Variants in MGST1 observed in about 807,000 individuals in gnomAD.
The protein encoded by MGST1 is microsomal glutathione S-transferase 1, also known as glutathione S-transferase 12.
Under a neutral mutation model 8.9 loss-of-function variants are expected in MGST1, and 5 were observed. The observed-to-expected ratio is 0.56, with a 90% CI of 0.29 to 1.19. The LOEUF (loss-of-function observed/expected upper bound fraction) is 1.19. MGST1 is among the 50% of genes most tolerant of loss of function. MGST1 has a pLI of 0.08. For synonymous variants in MGST1, 54 were observed against 67.8 expected, an observed-to-expected ratio of 0.80 and a Z score of 1.00; for missense variants, 182 against 187.4, an observed-to-expected ratio of 0.97 and a Z score of 0.17.
chr12:16,569,606 T>C (rs546011315), intron 4 of MGST1, among the ~76,000 whole-genome samples: 2 of 152,192 alleles, frequency 1.3e-5, no homozygotes, highest in Non-Finnish European at 2.9e-5. Context: ...TCCCTTAACA[T>C]TTGATGAGAA....
At chr12:16,439,600 C>T (rs1941021890), downstream of MGST1, among the ~76,000 whole-genome samples, 3 of 151,736 alleles carry the variant, frequency 2.0e-5, no homozygotes, top group South Asian at 4.1e-4. Context: ...ATAGTGGCTC[C>T]TTATGGTAAT....
intron 4 of MGST1, among the ~76,000 whole-genome samples, chr12:16,498,851 C>T (rs1941486888): frequency 6.6e-6 from 1 of 152,144 alleles, no homozygotes; most frequent in Admixed American, 6.6e-5. Flanking sequence ...GGGTGTTATA[C>T]TATTGACAAG....
intron 1 of MGST1, among the ~76,000 whole-genome samples, chr12:16,435,892 T>G (rs568658768): frequency 1.3e-5 from 2 of 152,078 alleles, no homozygotes; most frequent in African/African-American, 2.4e-5. Flanking sequence ...GTAGCCTTGG[T>G]TTTTCAATAG....
At chr12:16,435,414 T>C (rs141994650) in intron 1 of MGST1, among the ~76,000 whole-genome samples, 4 of 151,946 alleles carry the variant, frequency 2.6e-5, no homozygotes, top group Non-Finnish European at 5.9e-5. Flanking sequence ...TAAAACAAAT[T>C]TGCACTTCTA....
At chr12:16,419,292 C>A (rs1021337476) in intron 1 of MGST1, among the ~76,000 whole-genome samples, 1 of 152,132 alleles carries the variant, frequency 6.6e-6, no homozygotes, top group Non-Finnish European at 1.5e-5. Flanking sequence ...CTCCTGTGGG[C>A]ATTATCTTCA....
chr12:16,424,537 C>T (rs1186186283), intron 1 of MGST1, among the ~76,000 whole-genome samples: 2 of 152,112 alleles, frequency 1.3e-5, no homozygotes, highest in Non-Finnish European at 2.9e-5. Flanking sequence ...TTGTAAGGCC[C>T]AGGATTGAAA....
At chr12:16,380,622 G>T (rs1210799545), downstream of MGST1, among the ~76,000 whole-genome samples, 2 of 152,190 alleles carry the variant, frequency 1.3e-5, no homozygotes, top group African/African-American at 4.8e-5. Flanking sequence ...ATATTCTGTT[G>T]ATTTGGGGTG....
At chr12:16,352,907 G>A (rs143458664) in intron 1 of MGST1, among the ~76,000 whole-genome samples, 19 of 152,164 alleles carry the variant, frequency 1.2e-4, no homozygotes, top group African/African-American at 4.3e-4. Context: ...GATGATGATG[G>A]TGATCATGAT....
At chr12:16,506,934 A>T (rs1471895363) in intron 4 of MGST1, among the ~76,000 whole-genome samples, 1 of 152,234 alleles carries the variant, frequency 6.6e-6, no homozygotes, top group Non-Finnish European at 1.5e-5. Context: ...TGCTGAAACA[A>T]TAAGAACAAA....
At chr12:16,399,547 T>C in intron 1 of MGST1, 1 of 1,559,686 alleles carries the variant, frequency 6.4e-7, no homozygotes, top group Non-Finnish European at 8.8e-7. Context: ...TCTTCATCAC[T>C]GTCCTCCTCT....
chr12:16,477,370 T>C (rs973557046), intron 4 of MGST1, among the ~76,000 whole-genome samples: 78 of 152,180 alleles, frequency 5.1e-4, no homozygotes, highest in African/African-American at 1.7e-3. Flanking sequence ...ACATGTGAAC[T>C]TATAAAATTT....
At chr12:16,460,674 T>C (rs1217934103) in intron 4 of MGST1, among the ~76,000 whole-genome samples, 2 of 151,368 alleles carry the variant, frequency 1.3e-5, no homozygotes, top group Non-Finnish European at 2.9e-5. Flanking sequence ...AACTTCTAAC[T>C]CATTCTCTAC....
intron 4 of MGST1, chr12:16,514,095 C>G (rs943868897): frequency 2.6e-6 from 1 of 379,862 alleles, no homozygotes; most frequent in Non-Finnish European, 5.1e-6. Flanking sequence ...AAACAAAAAT[C>G]TCTTTGCACT....
downstream of MGST1, among the ~76,000 whole-genome samples, chr12:16,378,688 G>T (rs10846340): frequency 0.54 from 70,672 of 130,850 alleles, 17,961 homozygotes; most frequent in East Asian, 0.88. Context: ...GTGAAGAAAG[G>T]CATTGGTAGC....
intron 1 of MGST1, among the ~76,000 whole-genome samples, chr12:16,420,187 T>A (rs2216202): frequency 0.54 from 82,694 of 152,006 alleles, 23,847 homozygotes; most frequent in East Asian, 0.87. Flanking sequence ...ATATATTTCA[T>A]AATAATTACA....
At chr12:16,540,570 C>A (rs926116323) in intron 4 of MGST1, among the ~76,000 whole-genome samples, 5 of 152,192 alleles carry the variant, frequency 3.3e-5, no homozygotes, top group African/African-American at 1.2e-4. Context: ...ACAGAGGAAG[C>A]TATAGCACTT....
intron 4 of MGST1, among the ~76,000 whole-genome samples, chr12:16,456,120 C>T (rs1005282878): frequency 4.0e-5 from 6 of 151,736 alleles, no homozygotes; most frequent in African/African-American, 1.4e-4. Flanking sequence ...TGATATCGTG[C>T]CCGGCTCCAG....
chr12:16,475,995 G>A (rs1356271946), intron 4 of MGST1, among the ~76,000 whole-genome samples: 6 of 152,078 alleles, frequency 3.9e-5, no homozygotes, highest in Non-Finnish European at 7.4e-5. Flanking sequence ...ACTAGAAAGA[G>A]GAAGTAGATT....
At chr12:16,440,439 A>G (rs1483531218), downstream of MGST1, among the ~76,000 whole-genome samples, 1 of 151,756 alleles carries the variant, frequency 6.6e-6, no homozygotes, top group Non-Finnish European at 1.5e-5. Context: ...TTTGATTTTC[A>G]TGGAATGAAT....
Sources: allele counts gnomAD v4.1 joint callset (sites outside exome capture counted in the v4.1 genomes callset), GRCh38; gene constraint gnomAD v4.1.1; transcripts MANE v1.5; gene names NCBI Gene and HGNC (gene_info 2026-07-23, HGNC 2026-07-21).